Variants in DCLK1 observed in about 807,000 individuals in gnomAD.
DCLK1 encodes serine/threonine-protein kinase DCLK1.
A neutral mutation model predicts 86.2 loss-of-function variants in DCLK1; 16 were observed. The observed-to-expected ratio is 0.19, with a 90% CI of 0.13 to 0.28. The LOEUF is 0.28. Among genes scored for constraint, DCLK1 ranks in the 10% least tolerant of loss-of-function variants. The pLI is 1.00. For synonymous variants in DCLK1, 369 were observed against 370.5 expected (o/e 1.00, Z 0.05); for missense variants, 590 against 940.2 (o/e 0.63, Z 4.87).
At chr13:35,865,250 A>C (rs954298685) in intron 5 of DCLK1, among the ~76,000 whole-genome samples, 19 of 152,312 alleles carry the variant, frequency 1.2e-4, no homozygotes, top group Admixed American at 3.9e-4. Context: ...TGTCTCAAAA[A>C]TAAAATTAAT....
chr13:35,993,820 T>C (rs1880352230), intron 3 of DCLK1, among the ~76,000 whole-genome samples: 1 of 145,016 alleles, frequency 6.9e-6, no homozygotes, highest in African/African-American at 2.6e-5. Context: ...ATTCAATTCC[T>C]TTCTCTGAAC....
At chr13:36,081,099 C>T (rs1392320654) in intron 3 of DCLK1, among the ~76,000 whole-genome samples, 4 of 151,850 alleles carry the variant, frequency 2.6e-5, no homozygotes, top group Admixed American at 6.6e-5. Flanking sequence ...ATTCATATCA[C>T]AAAATAAGCA....
At chr13:36,101,494 A>G (rs1360154728) in intron 3 of DCLK1, among the ~76,000 whole-genome samples, 1 of 152,232 alleles carries the variant, frequency 6.6e-6, no homozygotes, top group Non-Finnish European at 1.5e-5. Flanking sequence ...TCTACCACGC[A>G]ACAACAGCCG....
chr13:36,005,598 C>G (rs1449001961), intron 3 of DCLK1, among the ~76,000 whole-genome samples: 1 of 152,156 alleles, frequency 6.6e-6, no homozygotes, highest in Non-Finnish European at 1.5e-5. Context: ...GAAAAGGGTG[C>G]AGGGAAATAT....
chr13:35,973,538 T>G (rs1879171588), intron 3 of DCLK1, among the ~76,000 whole-genome samples: 1 of 152,224 alleles, frequency 6.6e-6, no homozygotes, highest in African/African-American at 2.4e-5. Flanking sequence ...ATCTGTTTTC[T>G]TCTCTGGTCT....
intron 3 of DCLK1, 145 bp from the exon 4 acceptor site, chr13:35,947,602 G>A (rs1017866464): frequency 5.3e-5 from 29 of 548,536 alleles, no homozygotes; most frequent in Non-Finnish European, 8.6e-5. Flanking sequence ...TCAAAAGAGG[G>A]GTTCGAGCAT....
chr13:35,802,994 A>G (rs996261857), intron 15 of DCLK1, among the ~76,000 whole-genome samples: 1 of 152,212 alleles, frequency 6.6e-6, no homozygotes, highest in African/African-American at 2.4e-5. Context: ...TTGTATTAGC[A>G]ATCATTACAG....
In DCLK1 at chr13:35,771,155, C is replaced by T. The variant is rs563246536; in HGVS notation, c.*3380G>A. ...CTTGGTCATATGGGAGCTCTGTGAC[C>T]CTCTAAGCCAAATTTTCTTTTCTTT... On this transcript the variant is annotated 3_prime_UTR_variant, in exon 17 of 17. Transcript: ENST00000360631. 4 of 152,192 alleles carry T rather than the reference C, an allele frequency of 2.6e-5. No individual in the cohort carries two copies. The South Asian group carries it at 8.3e-4, about 32-fold the overall frequency. The allele number at this position is 152,192 out of a possible 1,614,324, so 9.4% of individuals were successfully genotyped here. A position where few individuals can be genotyped will look rare whatever the true frequency, so the allele number is the denominator to read the frequency against.
At chr13:35,987,372 G>A (rs965186356) in intron 3 of DCLK1, among the ~76,000 whole-genome samples, 3 of 152,172 alleles carry the variant, frequency 2.0e-5, no homozygotes, top group African/African-American at 7.2e-5. Context: ...AGAGGCAAGG[G>A]GGAGACTTCT....
chr13:36,123,223 C>T (rs1316857212), intron 2 of DCLK1, among the ~76,000 whole-genome samples: 1 of 152,086 alleles, frequency 6.6e-6, no homozygotes, highest in Non-Finnish European at 1.5e-5. Flanking sequence ...TATGAACCAA[C>T]GGTTTGCATT....
At chr13:35,847,176 CA>C in intron 6 of DCLK1, 1 of 966,640 alleles carries the variant, frequency 1.0e-6, no homozygotes, top group Non-Finnish European at 1.2e-6. Flanking sequence ...TAATAGTTAA[CA>C]CAATATTGGA....
intron 2 of DCLK1, among the ~76,000 whole-genome samples, chr13:36,114,900 T>A (rs1428339593): frequency 3.3e-5 from 5 of 152,244 alleles, no homozygotes; most frequent in African/African-American, 1.2e-4. Context: ...ATCTCTTCCT[T>A]AGTGTGACTG....
intron 3 of DCLK1, among the ~76,000 whole-genome samples, chr13:35,953,294 G>T (rs532180699): frequency 6.6e-6 from 1 of 152,118 alleles, no homozygotes; most frequent in South Asian, 2.1e-4. Flanking sequence ...CCCAAATGCA[G>T]GCTGTTAACT....
intron 3 of DCLK1, among the ~76,000 whole-genome samples, chr13:35,958,864 T>C (rs1878293647): frequency 1.3e-5 from 2 of 152,196 alleles, no homozygotes; most frequent in Non-Finnish European, 2.9e-5. Flanking sequence ...CAAAAATATA[T>C]TTGAGAGCAA....
chr13:35,916,423 C>T (rs887001090), intron 4 of DCLK1, among the ~76,000 whole-genome samples: 2 of 152,188 alleles, frequency 1.3e-5, no homozygotes, highest in Admixed American at 1.3e-4. Flanking sequence ...CCTCTCCCTC[C>T]TCTGCCCTCT....
At chr13:36,122,101 A>T (rs1288177278) in intron 2 of DCLK1, among the ~76,000 whole-genome samples, 1 of 152,234 alleles carries the variant, frequency 6.6e-6, no homozygotes, top group African/African-American at 2.4e-5. Context: ...AAAGCCAGTG[A>T]AATAGGGAAA....
intron 11 of DCLK1, among the ~76,000 whole-genome samples, chr13:35,812,508 T>C (rs4514539): frequency 0.27 from 41,832 of 152,130 alleles, 6,486 homozygotes; most frequent in African/African-American, 0.42. Flanking sequence ...TGTTCACACG[T>C]CACGTCTGCC....
chr13:35,961,337 C>CA (rs1878448029), intron 3 of DCLK1, among the ~76,000 whole-genome samples: 1 of 152,174 alleles, frequency 6.6e-6, no homozygotes, highest in Non-Finnish European at 1.5e-5. Context: ...AGATTACTCT[C>CA]AGAGTCAACT....
intron 3 of DCLK1, among the ~76,000 whole-genome samples, chr13:36,040,330 G>C (rs1310794775): frequency 7.1e-6 from 1 of 140,774 alleles, no homozygotes; most frequent in African/African-American, 2.6e-5. Flanking sequence ...GACAGTTTGA[G>C]GGATACTACT....
Sources: allele counts gnomAD v4.1 joint callset (sites outside exome capture counted in the v4.1 genomes callset), GRCh38; gene constraint gnomAD v4.1.1; transcripts MANE v1.5; gene names NCBI Gene and HGNC (gene_info 2026-07-23, HGNC 2026-07-21).